Variants in SLC24A4 observed in about 807,000 individuals in gnomAD.
SLC24A4 encodes sodium/potassium/calcium exchanger 4.
A neutral mutation model predicts 79.0 loss-of-function variants in SLC24A4; 53 were observed. The ratio of observed to expected loss-of-function variants is 0.67; its 90% CI spans 0.54 to 0.84. The LOEUF is 0.84. SLC24A4 is among the 40% of genes least tolerant of loss of function. The pLI is 0.00. For synonymous variants in SLC24A4, 323 were observed against 323.8 expected, an observed-to-expected ratio of 1.00 and a Z score of 0.03; for missense variants, 731 against 822.0, an observed-to-expected ratio of 0.89 and a Z score of 1.35.
intron 2 of SLC24A4, among the ~76,000 whole-genome samples, chr14:92,382,635 T>G (rs915182637): frequency 2.6e-5 from 4 of 152,126 alleles, no homozygotes; most frequent in Non-Finnish European, 5.9e-5. Flanking sequence ...TCACTTGCCA[T>G]TGGTGGTCAT....
intron 2 of SLC24A4, among the ~76,000 whole-genome samples, chr14:92,350,476 C>A (rs535307238): frequency 6.6e-6 from 1 of 152,144 alleles, no homozygotes; most frequent in Non-Finnish European, 1.5e-5. Flanking sequence ...AATTGTTGGC[C>A]GGACTGAGGA....
rs750486076 is a variant in SLC24A4, at chr14:92,323,820, G to A, written c.-11G>A. The A allele has an allele frequency of 1.8e-5, 28 of 1,561,048 alleles. 2 individuals carry two copies. In the South Asian group the frequency reaches 3.1e-4, roughly 17 times the overall value. On this transcript the variant is annotated 5_prime_UTR_variant, in exon 1 of 17. Transcript: ENST00000532405. This position sits in a 1 kb window ranked among gnomAD's most constrained non-coding sequence, Gnocchi z 4.9. ...CATCCTCTCCCAGAGACGGCACCCAGGCGCTCCGGGATGGCGCTCCGCGGG... is the reference window on the plus strand; with the variant it reads ...CATCCTCTCCCAGAGACGGCACCCAAGCGCTCCGGGATGGCGCTCCGCGGG...
chr14:92,360,650 A>C (rs76912597), intron 2 of SLC24A4, among the ~76,000 whole-genome samples: 4,812 of 152,336 alleles, frequency 0.032, 249 homozygotes, highest in African/African-American at 0.11. Context: ...GCCCGATCAT[A>C]CTGCCAATCA....
At chr14:92,484,049 C>T (rs1895222544) in intron 13 of SLC24A4, 3 of 985,322 alleles carry the variant, frequency 3.0e-6, no homozygotes, top group Non-Finnish European at 1.2e-6. Flanking sequence ...CTGGTGACTC[C>T]CTCTATGAAG....
Position 92,441,997 on chromosome 14 carries a change from G to C in SLC24A4, c.394-92G>C, listed in dbSNP as rs1892524900. On this transcript the variant is annotated intron_variant, in intron 4 of 16. Transcript: ENST00000532405. This position sits in a 1 kb window ranked among gnomAD's most constrained non-coding sequence, Gnocchi z 4.6. ...CGAGTTTGCCTCTGGCTGCAGCACT[G>C]CTCTCCTGCATGCTCCTTGGCTGTA... 2 of 1,007,992 alleles carry C rather than the reference G, an allele frequency of 2.0e-6. No homozygotes were observed. The highest frequency in any genetic ancestry group is 1.4e-5 in the South Asian group (1 of 72,300). 62.4% of individuals were successfully genotyped at this position (1,007,992 alleles called of 1,614,324 possible). A position where few individuals can be genotyped will look rare whatever the true frequency, so the allele number is the denominator to read the frequency against.
rs1225771768 is a variant in SLC24A4, at chr14:92,398,488, G to C, written c.242-35424G>C. On this transcript the variant is annotated intron_variant, in intron 2 of 16. Coordinates refer to ENST00000532405, the MANE Select transcript of SLC24A4 (RefSeq NM_153646.4). The surrounding 1 kb of genome is among the most constrained non-coding windows in gnomAD (Gnocchi z 4.1). ...GAGAGAAGGGAAAGAGTACAGAACAGGGCAGCCTCCAACGTCTGATGTTAT... is the reference window on the plus strand; with the variant it reads ...GAGAGAAGGGAAAGAGTACAGAACACGGCAGCCTCCAACGTCTGATGTTAT... Among the ~76,000 whole-genome samples, 2 of 152,126 alleles carry C rather than the reference G, an allele frequency of 1.3e-5. No individual in the cohort carries two copies. Among genetic ancestry groups the C allele is most frequent in the African/African-American group, 4.8e-5 (2 of 41,410 alleles).
At position 92,444,920 on chromosome 14, in the gene SLC24A4, TATACACACAC is replaced by T. The variant is rs912227846; in HGVS notation, c.658-385_658-376del. On this transcript the variant is annotated intron_variant, in intron 7 of 16. Transcript: ENST00000532405. ...ACCATATATACACACACACACCCTA[TATACACACAC>T]ATACACACACACACACACACACACA... 1.2e-4 allele frequency among the ~76,000 whole-genome samples: 15 copies of T among 123,416 alleles called. No homozygotes were observed. In the South Asian group the frequency reaches 2.7e-3, roughly 23 times the overall value. The allele number at this position is 123,416 out of a possible 152,430, so 81.0% of individuals were successfully genotyped here. A position where few individuals can be genotyped will look rare whatever the true frequency, so the allele number is the denominator to read the frequency against.
At chr14:92,364,090 C>A (rs1452095314) in intron 2 of SLC24A4, among the ~76,000 whole-genome samples, 3 of 152,170 alleles carry the variant, frequency 2.0e-5, no homozygotes, top group African/African-American at 7.2e-5. Flanking sequence ...AGAAGCATTC[C>A]CCCCACTCTC....
intron 2 of SLC24A4, among the ~76,000 whole-genome samples, 179 bp from the exon 3 acceptor site, chr14:92,433,733 A>G (rs982946023): frequency 6.6e-6 from 1 of 152,246 alleles, no homozygotes; most frequent in Non-Finnish European, 1.5e-5. Flanking sequence ...TCCAGTATCC[A>G]GCAACTATTT....
chr14:92,433,849 A>G, intron 2 of SLC24A4, 63 bp from the exon 3 acceptor site: 2 of 1,397,230 alleles, frequency 1.4e-6, no homozygotes, highest in Non-Finnish European at 2.0e-6. Flanking sequence ...CTCAGAAGTC[A>G]AGTGAGGTTT....
At chr14:92,343,680 CCTTCCTTCCTTCCTTCCTTCCTTT>C (rs1455889722) in intron 2 of SLC24A4, among the ~76,000 whole-genome samples, 6 of 141,784 alleles carry the variant, frequency 4.2e-5, no homozygotes, top group African/African-American at 1.6e-4. Context: ...TTCCTTCCTT[CCTTCCTTCCTTCCTTCCTTCCTTT>C]CTTTCTTTCT....
At chr14:92,450,625 C>T (rs1043236630) in intron 10 of SLC24A4, 5 of 152,488 alleles carry the variant, frequency 3.3e-5, no homozygotes, top group Admixed American at 2.0e-4. Flanking sequence ...GCTCTATGGA[C>T]GCAGTGGCCC....
intron 10 of SLC24A4, among the ~76,000 whole-genome samples, chr14:92,449,967 C>T (rs908166040): frequency 1.5e-4 from 23 of 152,218 alleles, no homozygotes; most frequent in African/African-American, 4.8e-4. Context: ...AATGACCAGG[C>T]GGCTCCCTTT....
intron 2 of SLC24A4, among the ~76,000 whole-genome samples, chr14:92,336,647 C>T (rs1885818835): frequency 6.6e-6 from 1 of 152,234 alleles, no homozygotes; most frequent in African/African-American, 2.4e-5. Context: ...GGAAGGCACC[C>T]AGTCCCTGCT....
At chr14:92,446,096 C>T (rs1437282246) in intron 8 of SLC24A4, among the ~76,000 whole-genome samples, 8 of 152,148 alleles carry the variant, frequency 5.3e-5, no homozygotes. Context: ...TATTTGATAG[C>T]ATGGGAATGC....
chr14:92,387,898 A>T (rs187598269), intron 2 of SLC24A4, among the ~76,000 whole-genome samples: 2 of 152,384 alleles, frequency 1.3e-5, no homozygotes, highest in East Asian at 3.9e-4. Context: ...TTAAAGGCTG[A>T]ATAATTCCAC....
intron 2 of SLC24A4, among the ~76,000 whole-genome samples, chr14:92,372,186 G>A (rs967198670): frequency 6.6e-6 from 1 of 152,216 alleles, no homozygotes; most frequent in Non-Finnish European, 1.5e-5. Flanking sequence ...GCATGAACCA[G>A]ACTGAGGTCA....
intron 2 of SLC24A4, among the ~76,000 whole-genome samples, chr14:92,373,189 C>T (rs1259182238): frequency 1.4e-5 from 1 of 70,814 alleles, no homozygotes; most frequent in Non-Finnish European, 3.5e-5. Context: ...CACACACACA[C>T]ACACGCACAC....
At chr14:92,358,235 G>A (rs912477603) in intron 2 of SLC24A4, among the ~76,000 whole-genome samples, 3 of 151,964 alleles carry the variant, frequency 2.0e-5, no homozygotes, top group African/African-American at 7.3e-5. Context: ...CCAGTTAAAT[G>A]CATGCAACTG....
Sources: allele counts gnomAD v4.1 joint callset (sites outside exome capture counted in the v4.1 genomes callset), GRCh38; gene constraint gnomAD v4.1.1; non-coding constraint Gnocchi (gnomAD v3.1); transcripts MANE v1.5; gene names NCBI Gene and HGNC (gene_info 2026-07-23, HGNC 2026-07-21).